EYS: variants seen among roughly 807,000 people sequenced by gnomAD.
EYS encodes protein eyes shut homolog.
Under a neutral mutation model 282.1 loss-of-function variants are expected in EYS, and 250 were observed. The ratio of observed to expected loss-of-function variants is 0.89; its 90% confidence interval spans 0.80 to 0.98. The LOEUF (loss-of-function observed/expected upper bound fraction) is 0.98. Ranked by LOEUF, EYS falls within the 50% of genes least tolerant of loss-of-function variation. The pLI is 0.00. For missense variants in EYS, 4,016 were observed against 3,709.0 expected (o/e 1.08, Z -2.15); for synonymous variants, 1,355 against 1,282.9 (o/e 1.06, Z -1.20).
intron 23 of EYS, among the ~76,000 whole-genome samples, chr6:64,618,275 A>G (rs574994785): frequency 3.3e-5 from 5 of 152,172 alleles, no homozygotes; most frequent in Non-Finnish European, 5.9e-5. Context: ...GATATTAGGA[A>G]CATTTTTTTG....
At chr6:64,121,525 G>A (rs758513384) in intron 31 of EYS, among the ~76,000 whole-genome samples, 18 of 152,148 alleles carry the variant, frequency 1.2e-4, no homozygotes, top group Non-Finnish European at 1.8e-4. Flanking sequence ...ACATCATCTT[G>A]TGGCCTAATG....
chr6:65,473,996 G>A (rs922126058), intron 5 of EYS, among the ~76,000 whole-genome samples: 1 of 151,968 alleles, frequency 6.6e-6, no homozygotes, highest in Non-Finnish European at 1.5e-5. Context: ...TTTCCTTGCA[G>A]TTAAGGAGAC....
rs543275537 is a variant in EYS at position 65,443,308 on chromosome 6, A to G, written c.863-37941T>C. 9.3e-5 allele frequency among the ~76,000 whole-genome samples: 11 copies of G among 117,696 alleles called. 1 individual carries two copies. Among genetic ancestry groups the G allele is most frequent in the Non-Finnish European group, 2.0e-4 (10 of 49,484 alleles). 77.2% of individuals were successfully genotyped at this position (117,696 alleles called of 152,430 possible). ...CATGCATATATGCATACATGTGTGTACACATATAGACATATATGCATACAT... is the reference window on the plus strand; with the variant it reads ...CATGCATATATGCATACATGTGTGTGCACATATAGACATATATGCATACAT... On this transcript the variant is annotated intron_variant, in intron 5 of 42. Coordinates refer to ENST00000503581, the MANE Select transcript of EYS (RefSeq NM_001142800.2).
intron 26 of EYS, among the ~76,000 whole-genome samples, chr6:64,542,200 CTCAT>C (rs1227671011): frequency 1.3e-5 from 2 of 152,150 alleles, no homozygotes; most frequent in East Asian, 3.9e-4. Context: ...AAATAGCTGT[CTCAT>C]TCAAATACAT....
chr6:64,729,837 A>G (rs762193548), intron 22 of EYS, among the ~76,000 whole-genome samples: 5 of 152,242 alleles, frequency 3.3e-5, no homozygotes, highest in African/African-American at 9.6e-5. Flanking sequence ...AAGGAGAAGA[A>G]ATAATTTTAA....
intron 31 of EYS, among the ~76,000 whole-genome samples, chr6:64,094,588 G>T (rs1308401965): frequency 6.6e-6 from 1 of 152,116 alleles, no homozygotes; most frequent in African/African-American, 2.4e-5. Flanking sequence ...ATTTCTGTGG[G>T]ATCTGTGGTG....
rs1767962715 is a variant in EYS at position 63,999,077 on chromosome 6, G to T, written c.6832C>A (p.Gln2278Lys). ...KKDTEISHAS[Q>K]AYFESMFLGH... is the part of the protein sequence containing the mutation. The stretch of plus-strand genomic sequence containing the variant: ...GAACTGGATATTTGCATACCTACCT[G>T]AGAGGCATGGGAAATCTCTGTGTCT... Residue 2278 changes from glutamine (Q) to lysine (K), a missense_variant and splice_region_variant, in exon 34 of 43, where the codon CAG (glutamine) becomes AAG (lysine). By Grantham distance (53) the Gln-to-Lys change is moderately conservative. Coordinates refer to ENST00000503581, the MANE Select transcript of EYS (RefSeq NM_001142800.2). The T allele has an allele frequency of 6.5e-7, 1 of 1,540,630 alleles. No individual in the cohort carries two copies. Among genetic ancestry groups the T allele is most frequent in the African/African-American group, 1.4e-5 (1 of 72,804 alleles).
chr6:65,480,700 A>C (rs1000168726), intron 5 of EYS, among the ~76,000 whole-genome samples: 1 of 152,172 alleles, frequency 6.6e-6, no homozygotes, highest in Non-Finnish European at 1.5e-5. Context: ...AATATATGGA[A>C]TCAACCTAGA....
At chr6:64,218,509 C>A (rs1177711067) in intron 31 of EYS, among the ~76,000 whole-genome samples, 1 of 152,114 alleles carries the variant, frequency 6.6e-6, no homozygotes, top group Non-Finnish European at 1.5e-5. Flanking sequence ...CACTGACCAA[C>A]CCTTAGTAAT....
intron 35 of EYS, among the ~76,000 whole-genome samples, chr6:63,866,005 A>G (rs773772983): frequency 3.3e-5 from 5 of 152,220 alleles, no homozygotes; most frequent in East Asian, 1.9e-4. Flanking sequence ...GGAAACCTGC[A>G]TAGCATTCTA....
intron 14 of EYS, among the ~76,000 whole-genome samples, chr6:64,976,371 T>A (rs992306080): frequency 1.3e-4 from 19 of 146,016 alleles, no homozygotes; most frequent in African/African-American, 4.5e-4. Context: ...AGGCTGCTAT[T>A]AAAAAAAAAA....
intron 12 of EYS, among the ~76,000 whole-genome samples, chr6:65,233,484 G>T (rs1766842611): frequency 6.6e-6 from 1 of 152,236 alleles, no homozygotes; most frequent in Non-Finnish European, 1.5e-5. Context: ...GTCCCAGGAA[G>T]AATATAGCTA....
chr6:65,481,642 G>A (rs112778982), intron 5 of EYS, among the ~76,000 whole-genome samples: 1 of 152,088 alleles, frequency 6.6e-6, no homozygotes, highest in African/African-American at 2.4e-5. Flanking sequence ...TCCGCCTCCC[G>A]GGTTCACGCC....
intron 26 of EYS, among the ~76,000 whole-genome samples, chr6:64,587,923 T>G (rs1310810545): frequency 6.6e-6 from 1 of 152,028 alleles, no homozygotes; most frequent in Non-Finnish European, 1.5e-5. Context: ...AGTAATTTCA[T>G]GGATAAGGAA....
intron 13 of EYS, among the ~76,000 whole-genome samples, chr6:65,055,442 C>G (rs956407681): frequency 1.3e-4 from 20 of 152,168 alleles, no homozygotes; most frequent in Admixed American, 2.6e-4. Flanking sequence ...ATATCCTATG[C>G]TACTATGGTA....
At chr6:65,165,084 A>C (rs1764941206) in intron 12 of EYS, among the ~76,000 whole-genome samples, 1 of 151,330 alleles carries the variant, frequency 6.6e-6, no homozygotes, top group Non-Finnish European at 1.5e-5. Flanking sequence ...CCTAGTATAC[A>C]CAAAACAAAA....
intron 22 of EYS, chr6:64,631,744 A>G (rs1418027923): frequency 6.6e-6 from 1 of 152,104 alleles, no homozygotes; most frequent in Non-Finnish European, 1.5e-5. Flanking sequence ...TTGTTTATTA[A>G]CAAATGTGTC....
At chr6:65,703,667 G>A (rs1431647047) in intron 1 of EYS, among the ~76,000 whole-genome samples, 1 of 151,728 alleles carries the variant, frequency 6.6e-6, no homozygotes, top group Admixed American at 6.6e-5. Context: ...CTCTATGAAT[G>A]ATAAATTAAT....
At position 64,887,462 on chromosome 6, in the gene EYS, T is replaced by C. The variant is rs1230736221; in HGVS notation, c.2847-620A>G. Among the ~76,000 whole-genome samples, 4 of 151,988 alleles carry C rather than the reference T, an allele frequency of 2.6e-5. No homozygotes were observed. The East Asian group carries it at 5.8e-4, about 22-fold the overall frequency. ...AAACAAACAAAAAAAAAGAAATAATTTCCAAAGGAGATATTAAACTGATCG... is the reference window on the plus strand; with the variant it reads ...AAACAAACAAAAAAAAAGAAATAATCTCCAAAGGAGATATTAAACTGATCG... On this transcript the variant is annotated intron_variant, in intron 18 of 42. Coordinates refer to ENST00000503581, the MANE Select transcript of EYS (RefSeq NM_001142800.2).
Sources: gnomAD v4.1 joint callset for allele counts (sites outside exome capture counted in the v4.1 genomes callset) on GRCh38, gnomAD v4.1.1 for gene constraint, MANE v1.5 for transcripts, NCBI Gene and HGNC (gene_info 2026-07-23, HGNC 2026-07-21) for gene names.